The following DCAF7 variants were observed in gnomAD, a reference collection of about 807,000 sequenced individuals.
DCAF7 encodes the protein DDB1- and CUL4-associated factor 7.
In DCAF7, 4 loss-of-function variants were observed where a neutral mutation model predicts 41.2. That is an observed-to-expected ratio of 0.10 (90% CI 0.05 to 0.22). DCAF7 has a LOEUF of 0.22. Among genes scored for constraint, DCAF7 ranks in the 10% least tolerant of loss-of-function variants. The probability of loss-of-function intolerance (pLI) is 1.00; values close to 1 mark genes in which losing one functional copy is unlikely to be tolerated. For missense variants in DCAF7, 131 were observed against 443.2 expected (o/e 0.30, Z 6.32); for synonymous variants, 143 against 164.2 (o/e 0.87, Z 0.99).
intron 1 of DCAF7, among the ~76,000 whole-genome samples, chr17:63,560,248 G>C (rs1327860020): frequency 6.6e-6 from 1 of 152,136 alleles, no homozygotes; most frequent in Non-Finnish European, 1.5e-5. Context: ...CCATGCAGTT[G>C]CTATCAAAAT....
At chr17:63,564,289 A>G (rs1305783523) in intron 1 of DCAF7, among the ~76,000 whole-genome samples, 2 of 152,244 alleles carry the variant, frequency 1.3e-5, no homozygotes, top group Non-Finnish European at 2.9e-5. Context: ...TGTCATCAAA[A>G]TAGATAAAAC....
intron 1 of DCAF7, among the ~76,000 whole-genome samples, chr17:63,574,731 G>A (rs1212312172): frequency 1.3e-5 from 2 of 152,200 alleles, no homozygotes; most frequent in African/African-American, 4.8e-5. Context: ...CCAGCATACT[G>A]GGAGGCCAGA....
intron 1 of DCAF7, among the ~76,000 whole-genome samples, chr17:63,568,094 C>T (rs894414401): frequency 2.3e-4 from 35 of 152,266 alleles, no homozygotes; most frequent in Admixed American, 1.3e-3. Context: ...GATCTCAGCT[C>T]ACCATAACCT....
In DCAF7 at chr17:63,550,510, G is replaced by C; in HGVS notation, c.-168G>C. 2 of 1,105,428 alleles carry C rather than the reference G, an allele frequency of 1.8e-6. No individual in the cohort carries two copies. Among genetic ancestry groups the C allele is most frequent in the Non-Finnish European group, 1.2e-6 (1 of 807,540 alleles). The allele number at this position is 1,105,428 out of a possible 1,614,324, so 68.5% of individuals were successfully genotyped here. On this transcript the variant is annotated 5_prime_UTR_variant, in exon 1 of 7. Coordinates refer to ENST00000614556, the MANE Select transcript of DCAF7 (RefSeq NM_005828.5). The surrounding 1 kb of genome is among the most constrained non-coding windows in gnomAD (Gnocchi z 4.8). ...TTCCCAAGCTGGTTTGAAACTAGGG[G>C]TCGGGCTCGGCCGTCGTCGTTGTTT... is the stretch of plus-strand genomic sequence containing the variant.
chr17:63,559,450 T>G (rs1361024957), intron 1 of DCAF7, among the ~76,000 whole-genome samples: 5 of 141,544 alleles, frequency 3.5e-5, no homozygotes, highest in African/African-American at 1.3e-4. Context: ...TATATATATA[T>G]ATATATATTT....
At chr17:63,573,869 C>T (rs991758652) in intron 1 of DCAF7, among the ~76,000 whole-genome samples, 7 of 152,114 alleles carry the variant, frequency 4.6e-5, no homozygotes, top group Non-Finnish European at 8.8e-5. Flanking sequence ...AATTTTTCCC[C>T]TGTTCCCCTC....
At chr17:63,588,360 A>ATTTT (rs766903512) in intron 6 of DCAF7, among the ~76,000 whole-genome samples, 1 of 120,236 alleles carries the variant, frequency 8.3e-6, no homozygotes, top group Non-Finnish European at 1.8e-5. Context: ...GCTAATTTGT[A>ATTTT]TTTTTTTTTT....
intron 6 of DCAF7, among the ~76,000 whole-genome samples, chr17:63,585,995 C>T (rs1232007634): frequency 2.6e-5 from 4 of 151,694 alleles, no homozygotes; most frequent in Admixed American, 6.6e-5. Context: ...CATGGTGGCA[C>T]GCACCTGTAG....
intron 1 of DCAF7, among the ~76,000 whole-genome samples, chr17:63,560,374 A>G (rs2033368006): frequency 6.6e-6 from 1 of 152,230 alleles, no homozygotes; most frequent in Admixed American, 6.5e-5. Flanking sequence ...CATTATTTGT[A>G]AAAGAAAAAT....
chr17:63,577,600 G>A lies in DCAF7; in HGVS notation c.139-870G>A, dbSNP rs116102675. Reference sequence around the variant, plus strand: ...GACTTTTTTTTTGCCAGTCACAGTGGTTTGGGCTCTCAAACGGTCATTTGA... The same window carrying A: ...GACTTTTTTTTTGCCAGTCACAGTGATTTGGGCTCTCAAACGGTCATTTGA... On this transcript the variant is annotated intron_variant, in intron 1 of 6. Coordinates refer to ENST00000614556, the MANE Select transcript of DCAF7 (RefSeq NM_005828.5). Among the ~76,000 whole-genome samples, 145 of 152,284 alleles carry A rather than the reference G, an allele frequency of 9.5e-4. 4 individuals are homozygous for A. Among genetic ancestry groups the A allele is most frequent in the South Asian group, 2.9e-3 (14 of 4,826 alleles).
At position 63,572,415 on chromosome 17, in the gene DCAF7, A is replaced by G. The variant is rs573447616; in HGVS notation, c.139-6055A>G. On this transcript the variant is annotated intron_variant, in intron 1 of 6. Transcript: ENST00000614556. ...ACAGGTATAGAGGGAAGTGTAAGGA[A>G]AGGGATGGGAAGCAGTGACTAGATA... is the stretch of plus-strand genomic sequence containing the variant. Among the ~76,000 whole-genome samples the G allele has an allele frequency of 3.9e-5, 6 of 152,292 alleles. No homozygotes were observed. The South Asian group carries it at 1.2e-3, about 32-fold the overall frequency.
intron 1 of DCAF7, 117 bp from the exon 2 acceptor site, chr17:63,578,353 G>T: frequency 7.0e-7 from 1 of 1,429,478 alleles, no homozygotes; most frequent in East Asian, 2.3e-5. Context: ...AACAGAGCAA[G>T]ATCCTGTCTT....
chr17:63,561,496 G>T (rs2033380011), intron 1 of DCAF7, among the ~76,000 whole-genome samples: 1 of 152,134 alleles, frequency 6.6e-6, no homozygotes, highest in Non-Finnish European at 1.5e-5. Flanking sequence ...GAGGCTGGCA[G>T]ATCATTGGGC....
At chr17:63,586,024 C>CT (rs1487556010) in intron 6 of DCAF7, among the ~76,000 whole-genome samples, 1 of 149,284 alleles carries the variant, frequency 6.7e-6, no homozygotes, top group Non-Finnish European at 1.5e-5. Flanking sequence ...ACTTAGGAGG[C>CT]TGAGGCAGGA....
At chr17:63,587,128 T>C (rs1019450595) in intron 6 of DCAF7, among the ~76,000 whole-genome samples, 1 of 152,194 alleles carries the variant, frequency 6.6e-6, no homozygotes, top group Non-Finnish European at 1.5e-5. Context: ...AGCCTTATAA[T>C]GGACAAGGTT....
At position 63,585,243 on chromosome 17, in the gene DCAF7, A is replaced by G; in HGVS notation, c.771A>G (p.Thr257=). 1 of 1,613,970 alleles carries G rather than the reference A, an allele frequency of 6.2e-7. No individual in the cohort carries two copies. Among genetic ancestry groups the G allele is most frequent in the Non-Finnish European group, 8.5e-7 (1 of 1,179,880 alleles). ...VVILDVRVPC[T]PVARLNNHRA... ...TTCTAGATGTCCGGGTTCCCTGCACACCTGTCGCCAGGTTAAACAACCATC... is the reference window on the plus strand; with the variant it reads ...TTCTAGATGTCCGGGTTCCCTGCACGCCTGTCGCCAGGTTAAACAACCATC... The change falls in exon 6 of 7, where the codon ACA becomes ACG. Residue 257 remains threonine, a synonymous_variant. Coordinates refer to ENST00000614556, the MANE Select transcript of DCAF7 (RefSeq NM_005828.5).
Position 63,584,278 on chromosome 17 carries a change from G to A in DCAF7, c.738+567G>A, listed in dbSNP as rs566084740. Reference sequence around the variant, plus strand: ...AGGTCAAGAGATGGAGACCATCCTGGCCAACATGGCGAAACCTCGTCTCTA... The same window carrying A: ...AGGTCAAGAGATGGAGACCATCCTGACCAACATGGCGAAACCTCGTCTCTA... On this transcript the variant is annotated intron_variant, in intron 5 of 6. Coordinates refer to ENST00000614556, the MANE Select transcript of DCAF7 (RefSeq NM_005828.5). Among the ~76,000 whole-genome samples, 8 of 152,176 alleles carry A rather than the reference G, an allele frequency of 5.3e-5. No homozygotes were observed. In the South Asian group the frequency reaches 1.5e-3, roughly 28 times the overall value.
At chr17:63,564,180 C>CAT (rs2033416701) in intron 1 of DCAF7, among the ~76,000 whole-genome samples, 1 of 151,212 alleles carries the variant, frequency 6.6e-6, no homozygotes, top group South Asian at 2.1e-4. Flanking sequence ...TATATACACA[C>CAT]ACACCTGTGT....
At chr17:63,567,398 G>A (rs2033455079) in intron 1 of DCAF7, among the ~76,000 whole-genome samples, 1 of 152,178 alleles carries the variant, frequency 6.6e-6, no homozygotes, top group Admixed American at 6.6e-5. Flanking sequence ...TGTCAGTTTG[G>A]CTGAGGCTAA....
Sources: gnomAD v4.1 joint callset for allele counts (sites outside exome capture counted in the v4.1 genomes callset) on GRCh38, gnomAD v4.1.1 for gene constraint, Gnocchi (gnomAD v3.1) non-coding constraint, MANE v1.5 for transcripts, NCBI Gene and HGNC (gene_info 2026-07-23, HGNC 2026-07-21) for gene names.